MUL1: variants seen among roughly 807,000 people sequenced by gnomAD.
MUL1 encodes the protein mitochondrial ubiquitin ligase activator of NFKB 1.
MUL1 carries 30 observed loss-of-function variants against 34.1 expected under a neutral mutation model. That is an observed-to-expected ratio of 0.88 (90% CI 0.66 to 1.19). The LOEUF is 1.19. MUL1 is among the 50% of genes most tolerant of loss of function. The pLI is 0.00. For missense variants in MUL1, 419 were observed against 450.5 expected (o/e 0.93, Z 0.63); for synonymous variants, 191 against 187.8 (o/e 1.02, Z -0.14).
At chr1:20,503,898 G>T (rs2051689027) in intron 1 of MUL1, among the ~76,000 whole-genome samples, 1 of 151,116 alleles carries the variant, frequency 6.6e-6, no homozygotes, top group South Asian at 2.1e-4. Context: ...TTGAGATGGG[G>T]TCTCACTGTT....
rs562283312 is a variant in MUL1 at position 20,499,875 on chromosome 1, C to A, written c.*815G>T. ...CACTAGGCCAGTGGCATCCACACTG[C>A]GTCCTTCAGGAGGCGAGGCCTCTGC... On this transcript the variant is annotated 3_prime_UTR_variant, in exon 4 of 4. Transcript: ENST00000264198. 1.3e-5 allele frequency: 2 copies of A among 152,258 alleles called. No homozygotes were observed. The highest frequency in any genetic ancestry group is 2.9e-5 in the Non-Finnish European group (2 of 68,090). The allele number at this position is 152,258 out of a possible 1,614,324, so 9.4% of individuals were successfully genotyped here.
At position 20,501,229 on chromosome 1, in the gene MUL1, T is replaced by C; in HGVS notation, c.520A>G (p.Ile174Val). The change falls in exon 4 of 4, where the codon ATC becomes GTC. Residue 174 changes from isoleucine (I) to valine (V), a missense_variant. Transcript: ENST00000264198. This position sits in a 1 kb window ranked among gnomAD's most constrained non-coding sequence, Gnocchi z 4.2. ...QSFTDVIGHY[I>V]SGERPKGIQE... The stretch of plus-strand genomic sequence containing the variant: ...ATGCCTTTGGGCCGCTCACCGCTGA[T>C]GTAGTGGCCGATGACATCGGTGAAG... The C allele has an allele frequency of 1.2e-6, 2 of 1,614,186 alleles. No homozygotes were observed. Among genetic ancestry groups the C allele is most frequent in the Non-Finnish European group, 1.7e-6 (2 of 1,180,042 alleles).
chr1:20,500,527 C>T lies in MUL1; in HGVS notation c.*163G>A. On this transcript the variant is annotated 3_prime_UTR_variant, in exon 4 of 4. Coordinates refer to ENST00000264198, the MANE Select transcript of MUL1 (RefSeq NM_024544.3). ...CTCAGGTGGGAAAGGCAGCATCCTG[C>T]CATTGGAGGCATGGGTCTGGAGAGT... is the stretch of plus-strand genomic sequence containing the variant. 1 of 887,296 alleles carries T rather than the reference C, an allele frequency of 1.1e-6. No individual in the cohort carries two copies. Among genetic ancestry groups the T allele is most frequent in the Non-Finnish European group, 1.7e-6 (1 of 598,794 alleles). 55.0% of individuals were successfully genotyped at this position (887,296 alleles called of 1,614,324 possible). A position where few individuals can be genotyped will look rare whatever the true frequency, so the allele number is the denominator to read the frequency against.
Position 20,502,612 on chromosome 1 carries a change from C to T in MUL1, c.209-423G>A, listed in dbSNP as rs1008306064. On this transcript the variant is annotated intron_variant, in intron 2 of 3. Transcript: ENST00000264198. The stretch of plus-strand genomic sequence containing the variant: ...ACAGTGGTGCAATCTTGGCTCACTG[C>T]AACCTCCGCCTCCCGGGTTCAAGCA... Among the ~76,000 whole-genome samples the T allele has an allele frequency of 2.0e-5, 3 of 152,210 alleles. 1 individual carries two copies. The highest frequency in any genetic ancestry group is 1.3e-4 in the Admixed American group (2 of 15,282).
At position 20,499,700 on chromosome 1, in the gene MUL1, GGGGGTAA is replaced by G. The variant is rs1398939897; in HGVS notation, c.*983_*989del. 6.6e-6 allele frequency: 1 copy of G among 152,058 alleles called. No individual in the cohort carries two copies. Among genetic ancestry groups the G allele is most frequent in the African/African-American group, 2.4e-5 (1 of 41,372 alleles). 9.4% of individuals were successfully genotyped at this position (152,058 alleles called of 1,614,324 possible). Reference sequence around the variant, plus strand: ...TGAGGGGCAAATGGTAATACTGGGAGGGGGTAACACAAGGAGAAGCGACATGAGTACA... The same window carrying G: ...TGAGGGGCAAATGGTAATACTGGGAGCACAAGGAGAAGCGACATGAGTACA... On this transcript the variant is annotated 3_prime_UTR_variant, in exon 4 of 4. Transcript: ENST00000264198.
At position 20,503,270 on chromosome 1, in the gene MUL1, T is replaced by A; in HGVS notation, c.160A>T (p.Ile54Phe). ...KVHLGEDLKS[I>F]LSEAPGKCVP... Reference sequence around the variant, plus strand: ...CATTTTCCTGGAGCTTCTGAAAGAATACTCTTTAAATCTTCACCCAAATGA... The same window carrying A: ...CATTTTCCTGGAGCTTCTGAAAGAAAACTCTTTAAATCTTCACCCAAATGA... The change falls in exon 2 of 4, where the codon ATT (isoleucine) becomes TTT (phenylalanine). Residue 54 changes from isoleucine to phenylalanine, a missense_variant. Transcript: ENST00000264198. 6.2e-7 allele frequency: 1 copy of A among 1,609,530 alleles called. No individual in the cohort carries two copies. Among genetic ancestry groups the A allele is most frequent in the Middle Eastern group, 1.7e-4 (1 of 6,016 alleles).
chr1:20,500,714 C>G lies in MUL1; in HGVS notation c.1035G>C (p.Arg345=), dbSNP rs2051647167. Residue 345 remains arginine (R), a synonymous_variant, in exon 4 of 4, where the codon CGG becomes CGC. Transcript: ENST00000264198. Reference sequence around the variant, plus strand: ...ATTAGCTGTTGTACAGGGGTATCACCCGGGTGATCGCCTGTCTGCAGATAG... The same window carrying G: ...ATTAGCTGTTGTACAGGGGTATCACGCGGGTGATCGCCTGTCTGCAGATAG... ...KCPICRQAIT[R]VIPLYNS is the part of the protein sequence containing the mutation. The G allele has an allele frequency of 1.9e-6, 3 of 1,593,240 alleles. No individual in the cohort carries two copies. The highest frequency in any genetic ancestry group is 2.6e-6 in the Non-Finnish European group (3 of 1,168,772).
intron 1 of MUL1, among the ~76,000 whole-genome samples, chr1:20,505,042 G>A (rs112790628): frequency 2.0e-5 from 3 of 152,268 alleles, no homozygotes; most frequent in African/African-American, 4.8e-5. Flanking sequence ...TTAATCTAGC[G>A]CCAATGCATC....
chr1:20,506,613 G>A (rs2051716480), intron 1 of MUL1, among the ~76,000 whole-genome samples: 1 of 151,656 alleles, frequency 6.6e-6, no homozygotes, highest in African/African-American at 2.4e-5. Flanking sequence ...ACTTTGGGAG[G>A]CTGAGACAGA....
At position 20,501,970 on chromosome 1, in the gene MUL1, G is replaced by C. The variant is rs1257754717; in HGVS notation, c.329+99C>G. 4.7e-6 allele frequency: 7 copies of C among 1,485,478 alleles called. No individual in the cohort carries two copies. Among genetic ancestry groups the C allele is most frequent in the Non-Finnish European group, 5.6e-6 (6 of 1,073,630 alleles). The allele number at this position is 1,485,478 out of a possible 1,614,324, so 92.0% of individuals were successfully genotyped here. A position where few individuals can be genotyped will look rare whatever the true frequency, so the allele number is the denominator to read the frequency against. On this transcript the variant is annotated intron_variant, in intron 3 of 3. Coordinates refer to ENST00000264198, the MANE Select transcript of MUL1 (RefSeq NM_024544.3). This position sits in a 1 kb window ranked among gnomAD's most constrained non-coding sequence, Gnocchi z 4.2. ...GCATTAAGAGACTGGGCTTCAACCT[G>C]TCTCAGGAGAAGCTGAAGTCACGGC... is the stretch of plus-strand genomic sequence containing the variant.
At chr1:20,506,850 A>AG (rs1309519951) in intron 1 of MUL1, among the ~76,000 whole-genome samples, 1 of 102,128 alleles carries the variant, frequency 9.8e-6, no homozygotes, top group African/African-American at 4.8e-5. Context: ...ACTCCGTCTC[A>AG]AAAAAAAAAA....
chr1:20,501,982 G>A lies in MUL1; in HGVS notation c.329+87C>T. The A allele has an allele frequency of 1.9e-6, 3 of 1,558,010 alleles. No individual in the cohort carries two copies. The highest frequency in any genetic ancestry group is 2.6e-6 in the Non-Finnish European group (3 of 1,136,156). On this transcript the variant is annotated intron_variant, in intron 3 of 3. Transcript: ENST00000264198. This position sits in a 1 kb window ranked among gnomAD's most constrained non-coding sequence, Gnocchi z 4.2. ...TGGGCTTCAACCTGTCTCAGGAGAA[G>A]CTGAAGTCACGGCAACAGCACCCAG...
Position 20,508,066 on chromosome 1 carries a change from A to G in MUL1, c.-42T>C, listed in dbSNP as rs1260660927. The stretch of plus-strand genomic sequence containing the variant: ...GGTGGCCGACTGTGGCGCCAAGGAT[A>G]GGCCTGGTGACCCCCGACTCTCCAC... On this transcript the variant is annotated 5_prime_UTR_variant, in exon 1 of 4. Transcript: ENST00000264198. 6.4e-7 allele frequency: 1 copy of G among 1,564,168 alleles called. No individual in the cohort carries two copies.
intron 1 of MUL1, among the ~76,000 whole-genome samples, chr1:20,505,134 AT>A (rs892952749): frequency 2.6e-5 from 4 of 152,200 alleles, no homozygotes; most frequent in Non-Finnish European, 5.9e-5. Context: ...ATTTCACAGG[AT>A]TTTTATGTGG....
Position 20,501,491 on chromosome 1 carries a change from A to G in MUL1, c.330-72T>C. 1 of 1,505,078 alleles carries G rather than the reference A, an allele frequency of 6.6e-7. No individual in the cohort carries two copies. Among genetic ancestry groups the G allele is most frequent in the Non-Finnish European group, 9.0e-7 (1 of 1,112,610 alleles). 93.2% of individuals were successfully genotyped at this position (1,505,078 alleles called of 1,614,324 possible). On this transcript the variant is annotated intron_variant, in intron 3 of 3. Coordinates refer to ENST00000264198, the MANE Select transcript of MUL1 (RefSeq NM_024544.3). The surrounding 1 kb of genome is among the most constrained non-coding windows in gnomAD (Gnocchi z 4.2). ...ACCCAGGCAGAACTGGAGATCAACT[A>G]AATGTGGAGGACAGCATATGGTCTG...
chr1:20,501,904 C>T lies in MUL1; in HGVS notation c.329+165G>A, dbSNP rs755193150. On this transcript the variant is annotated intron_variant, in intron 3 of 3. Coordinates refer to ENST00000264198, the MANE Select transcript of MUL1 (RefSeq NM_024544.3). The surrounding 1 kb of genome is among the most constrained non-coding windows in gnomAD (Gnocchi z 4.2). ...TTTCAACAAGATGCCTCGGTGATTC[C>T]GACATAGGAGGCCCACAGGCTACAC... Among the ~76,000 whole-genome samples, 1 of 152,252 alleles carries T rather than the reference C, an allele frequency of 6.6e-6. No individual in the cohort carries two copies. The highest frequency in any genetic ancestry group is 3.4e-3 in the Middle Eastern group (1 of 294).
intron 1 of MUL1, among the ~76,000 whole-genome samples, chr1:20,504,436 G>A (rs532778603): frequency 1.3e-5 from 2 of 152,360 alleles, no homozygotes; most frequent in African/African-American, 4.8e-5. Context: ...TCTGCTTTCA[G>A]GGTATTCCCA....
chr1:20,503,320 A>C lies in MUL1; in HGVS notation c.121-11T>G. 1 of 1,522,788 alleles carries C rather than the reference A, an allele frequency of 6.6e-7. No homozygotes were observed. Among genetic ancestry groups the C allele is most frequent in the Non-Finnish European group, 8.9e-7 (1 of 1,121,348 alleles). 94.3% of individuals were successfully genotyped at this position (1,522,788 alleles called of 1,614,324 possible). A position where few individuals can be genotyped will look rare whatever the true frequency, so the allele number is the denominator to read the frequency against. On this transcript the variant is annotated splice_polypyrimidine_tract_variant and intron_variant, in intron 1 of 3. Transcript: ENST00000264198. Reference sequence around the variant, plus strand: ...AACTTTTTTAGCTCCCTAAATAAAAAAAAAAAATTAAATTAATTGGCCATT... The same window carrying C: ...AACTTTTTTAGCTCCCTAAATAAAACAAAAAAATTAAATTAATTGGCCATT...
chr1:20,507,502 C>G (rs2051727394), intron 1 of MUL1, among the ~76,000 whole-genome samples: 1 of 152,206 alleles, frequency 6.6e-6, no homozygotes, highest in Non-Finnish European at 1.5e-5. Flanking sequence ...TCTCCCCTAC[C>G]TTACTCTAAA....
Sources: gnomAD v4.1 joint callset for allele counts (sites outside exome capture counted in the v4.1 genomes callset) on GRCh38, gnomAD v4.1.1 for gene constraint, Gnocchi (gnomAD v3.1) non-coding constraint, MANE v1.5 for transcripts, NCBI Gene and HGNC (gene_info 2026-07-23, HGNC 2026-07-21) for gene names.